The following KLHDC1 variants were observed in gnomAD, a reference collection of about 807,000 sequenced individuals.
The protein encoded by KLHDC1 is kelch domain containing 1.
A neutral mutation model predicts 68.3 loss-of-function variants in KLHDC1; 53 were observed. The ratio of observed to expected loss-of-function variants is 0.78; its 90% CI spans 0.62 to 0.98. The LOEUF is 0.98. KLHDC1 is among the 50% of genes least tolerant of loss of function. The pLI is 0.00. For missense variants in KLHDC1, 470 were observed against 492.3 expected, an observed-to-expected ratio of 0.95 and a Z score of 0.43; for synonymous variants, 148 against 159.0, an observed-to-expected ratio of 0.93 and a Z score of 0.52.
chr14:49,737,014 T>C (rs976283478), intron 10 of KLHDC1, among the ~76,000 whole-genome samples: 3 of 152,228 alleles, frequency 2.0e-5, no homozygotes, highest in African/African-American at 7.2e-5. Context: ...GGACCCTTTT[T>C]TATGTGTCTG....
intron 4 of KLHDC1, among the ~76,000 whole-genome samples, chr14:49,712,949 CTTTTTTT>C (rs765770912): frequency 1.5e-5 from 2 of 136,950 alleles, no homozygotes; most frequent in Non-Finnish European, 3.2e-5. Context: ...CCATAGCTAA[CTTTTTTT>C]TTTTTTTTTT....
chr14:49,743,084 A>G (rs1306786958), intron 11 of KLHDC1, among the ~76,000 whole-genome samples: 1 of 150,906 alleles, frequency 6.6e-6, no homozygotes, highest in East Asian at 1.9e-4. Flanking sequence ...AAAAAAAAAA[A>G]AAAAAAAAAA....
At chr14:49,723,217 G>A (rs1193497417) in intron 4 of KLHDC1, among the ~76,000 whole-genome samples, 1 of 150,360 alleles carries the variant, frequency 6.7e-6, no homozygotes, top group African/African-American at 2.4e-5. Context: ...CCCTCCCACA[G>A]CACATGGGAA....
chr14:49,709,197 A>C lies in KLHDC1; in HGVS notation c.135A>C (p.Glu45Asp), dbSNP rs567635131. The C allele has an allele frequency of 1.4e-5, 19 of 1,380,436 alleles. No homozygotes were observed. The South Asian group carries it at 2.3e-4, about 17-fold the overall frequency. 85.5% of individuals were successfully genotyped at this position (1,380,436 alleles called of 1,614,324 possible). A position where few individuals can be genotyped will look rare whatever the true frequency, so the allele number is the denominator to read the frequency against. Residue 45 changes from glutamate to aspartate, a missense_variant, in exon 2 of 13, where the codon GAA (glutamate) becomes GAC (aspartate). By Grantham distance (45) the Glu-to-Asp change is conservative. Transcript: ENST00000359332. ...ATGAAGTATATTTGCCTAATGATGAAATTTGGACCTATGATATTGATAGTG... is the reference window on the plus strand; with the variant it reads ...ATGAAGTATATTTGCCTAATGATGACATTTGGACCTATGATATTGATAGTG... ...EDNEVYLPND[E>D]IWTYDIDSGL...
chr14:49,718,775 T>TC (rs1566606376), intron 4 of KLHDC1, among the ~76,000 whole-genome samples: 1 of 130,484 alleles, frequency 7.7e-6, no homozygotes, highest in African/African-American at 2.9e-5. Context: ...CTTTCTTTTT[T>TC]TTTTTTTTTT....
At chr14:49,715,759 A>AT (rs1363140060) in intron 4 of KLHDC1, among the ~76,000 whole-genome samples, 23 of 103,156 alleles carry the variant, frequency 2.2e-4, no homozygotes, top group African/African-American at 5.8e-4. Context: ...AAAAAAAAAA[A>AT]AAAAAAATAT....
chr14:49,732,927 C>T, intron 9 of KLHDC1, 111 bp downstream of exon 9: 1 of 633,390 alleles, frequency 1.6e-6, no homozygotes, highest in Non-Finnish European at 2.8e-6. Context: ...TCTGGTTTGC[C>T]TTTATCCTCA....
intron 11 of KLHDC1, among the ~76,000 whole-genome samples, chr14:49,741,834 T>C (rs922948545): frequency 6.6e-6 from 1 of 152,186 alleles, no homozygotes; most frequent in African/African-American, 2.4e-5. Context: ...ATGATTGATG[T>C]GGTTTTGTGT....
chr14:49,693,430 C>T, intron 1 of KLHDC1, 140 bp downstream of exon 1: 2 of 447,758 alleles, frequency 4.5e-6, no homozygotes, highest in Non-Finnish European at 7.4e-6. Flanking sequence ...AGCCCCTCCG[C>T]TGGCCGCCGC....
At chr14:49,741,644 A>G (rs1051146246) in intron 11 of KLHDC1, among the ~76,000 whole-genome samples, 6 of 152,028 alleles carry the variant, frequency 3.9e-5, no homozygotes, top group Admixed American at 6.6e-5. Context: ...CCACTGCTTT[A>G]CTCAGCTGTT....
chr14:49,715,768 A>ATG (rs1457333468), intron 4 of KLHDC1, among the ~76,000 whole-genome samples: 1 of 137,746 alleles, frequency 7.3e-6, no homozygotes, highest in Non-Finnish European at 1.6e-5. Context: ...AAAAAAAAAT[A>ATG]TATATATATA....
intron 6 of KLHDC1, 63 bp downstream of exon 6, chr14:49,725,832 T>C: frequency 1.2e-6 from 1 of 857,972 alleles, no homozygotes; most frequent in Non-Finnish European, 1.8e-6. Context: ...TTACTGTGGA[T>C]TTTGGGTTTT....
intron 12 of KLHDC1, among the ~76,000 whole-genome samples, chr14:49,747,418 C>T (rs1251174428): frequency 6.6e-6 from 1 of 152,036 alleles, no homozygotes; most frequent in Non-Finnish European, 1.5e-5. Flanking sequence ...CAGGAGAAGC[C>T]AATGGAGAGT....
chr14:49,710,204 CTGATATAGATTTA>C (rs1455657790), intron 3 of KLHDC1, 46 bp from the exon 4 acceptor site: 2 of 900,752 alleles, frequency 2.2e-6, no homozygotes, highest in African/African-American at 3.3e-5. Context: ...CACATTCCCT[CTGATATAGATTTA>C]ATTTTTAAAT....
chr14:49,730,477 C>G (rs1465668855), intron 8 of KLHDC1, among the ~76,000 whole-genome samples: 1 of 152,016 alleles, frequency 6.6e-6, no homozygotes, highest in East Asian at 1.9e-4. Context: ...ACCTTGGCCT[C>G]CCAAAGTGCT....
At chr14:49,708,020 A>T (rs1888102972) in intron 1 of KLHDC1, among the ~76,000 whole-genome samples, 1 of 150,272 alleles carries the variant, frequency 6.7e-6, no homozygotes, top group African/African-American at 2.4e-5. Flanking sequence ...TTAATAACTT[A>T]TGTATTATAT....
chr14:49,743,843 G>T, intron 12 of KLHDC1, 38 bp downstream of exon 12: 1 of 1,168,022 alleles, frequency 8.6e-7, no homozygotes. Context: ...TTTGCTATGA[G>T]TATATGATAA....
intron 12 of KLHDC1, among the ~76,000 whole-genome samples, chr14:49,746,186 G>A (rs550392121): frequency 5.9e-5 from 9 of 152,304 alleles, no homozygotes; most frequent in East Asian, 1.9e-4. Context: ...ATGGCATAAG[G>A]GTAGAAATGA....
chr14:49,723,258 C>T (rs1378603468), intron 4 of KLHDC1, among the ~76,000 whole-genome samples: 1 of 149,646 alleles, frequency 6.7e-6, no homozygotes, highest in Non-Finnish European at 1.5e-5. Context: ...GGGACACAGC[C>T]AAACCATATC....
Sources: gnomAD v4.1 joint callset for allele counts (sites outside exome capture counted in the v4.1 genomes callset) on GRCh38, gnomAD v4.1.1 for gene constraint, MANE v1.5 for transcripts, NCBI Gene and HGNC (gene_info 2026-07-23, HGNC 2026-07-21) for gene names.